Variants in SLC4A8 observed in about 807,000 individuals in gnomAD.
SLC4A8 encodes solute carrier family 4 member 8, also known as electroneutral sodium bicarbonate exchanger 1.
In SLC4A8, 40 loss-of-function variants were observed where a neutral mutation model predicts 125.0. The observed-to-expected ratio is 0.32, with a 90% CI of 0.25 to 0.42. The LOEUF is 0.42. Among genes scored for constraint, SLC4A8 ranks in the 10% least tolerant of loss-of-function variants. The pLI, the probability that SLC4A8 is intolerant of heterozygous loss-of-function variation, is 1.00. For missense variants in SLC4A8, 863 were observed against 1,355.1 expected (o/e 0.64, Z 5.70); for synonymous variants, 456 against 476.0 (o/e 0.96, Z 0.55).
chr12:51,459,949 A>C lies in SLC4A8; in HGVS notation c.856-2A>C. On this transcript the variant is annotated splice_acceptor_variant, in intron 7 of 24. Coordinates refer to ENST00000453097, the MANE Select transcript of SLC4A8 (RefSeq NM_001039960.3). LOFTEE classifies it high-confidence loss of function. ...TGTCAGATGTTTCTTTTGGACTTTC[A>C]GGTAGACCTTCATTTCATGAAAAAA... The C allele has an allele frequency of 6.2e-7, 1 of 1,610,524 alleles. No individual in the cohort carries two copies. Among genetic ancestry groups the C allele is most frequent in the Non-Finnish European group, 8.5e-7 (1 of 1,178,518 alleles).
intron 2 of SLC4A8, among the ~76,000 whole-genome samples, chr12:51,442,447 A>G (rs1165648223): frequency 6.6e-6 from 1 of 152,212 alleles, no homozygotes; most frequent in Non-Finnish European, 1.5e-5. Context: ...GTAGAATAAG[A>G]AACCTGAGCA....
rs761799352 is a variant in SLC4A8, at chr12:51,489,930, C to G, written c.2679C>G (p.Val893=). The change falls in exon 19 of 25, where the codon GTC becomes GTG. Residue 893 remains valine (V), a synonymous_variant. Coordinates refer to ENST00000453097, the MANE Select transcript of SLC4A8 (RefSeq NM_001039960.3). The part of the protein sequence containing the change: ...LMIFVLMGCS[V]FMTAILKFIP... ...TCTTTGTGCTGATGGGCTGCTCAGT[C>G]TTCATGACGGCTATCTTAAAGGTAA... 6.2e-7 allele frequency: 1 copy of G among 1,614,162 alleles called. No homozygotes were observed. The highest frequency in any genetic ancestry group is 1.1e-5 in the South Asian group (1 of 91,074).
At chr12:51,427,972 A>G (rs1481501770) in intron 1 of SLC4A8, among the ~76,000 whole-genome samples, 1 of 152,144 alleles carries the variant, frequency 6.6e-6, no homozygotes, top group Non-Finnish European at 1.5e-5. Flanking sequence ...ATCATGGCCT[A>G]CCAAGCCTGA....
chr12:51,395,081 G>A (rs894480408), intron 1 of SLC4A8, among the ~76,000 whole-genome samples: 2 of 151,812 alleles, frequency 1.3e-5, no homozygotes, highest in Admixed American at 6.6e-5. Context: ...AAAGTTATAC[G>A]TAAATGAAAT....
rs922538893 is a variant in SLC4A8 at position 51,509,881 on chromosome 12, T to C, written c.*2443T>C. On this transcript the variant is annotated 3_prime_UTR_variant, in exon 25 of 25. Transcript: ENST00000453097. Reference sequence around the variant, plus strand: ...TTGGGGTGAACTCCATGGGGAAGATTGTGAGTGAAGATGGGAAGGAATTTG... The same window carrying C: ...TTGGGGTGAACTCCATGGGGAAGATCGTGAGTGAAGATGGGAAGGAATTTG... 1 of 152,284 alleles carries C rather than the reference T, an allele frequency of 6.6e-6. No individual in the cohort carries two copies. The highest frequency in any genetic ancestry group is 1.5e-5 in the Non-Finnish European group (1 of 68,036). 9.4% of individuals were successfully genotyped at this position (152,284 alleles called of 1,614,324 possible). A position where few individuals can be genotyped will look rare whatever the true frequency, so the allele number is the denominator to read the frequency against.
At chr12:51,450,799 A>ACTATGCT in intron 2 of SLC4A8, 77 bp from the exon 3 acceptor site, 1 of 1,512,662 alleles carries the variant, frequency 6.6e-7, no homozygotes, top group Non-Finnish European at 9.1e-7. Flanking sequence ...TTTTCTCTTA[A>ACTATGCT]CTATGCTAGG....
At chr12:51,476,718 A>G (rs927788876) in intron 16 of SLC4A8, among the ~76,000 whole-genome samples, 24 of 152,132 alleles carry the variant, frequency 1.6e-4, no homozygotes, top group African/African-American at 5.3e-4. Flanking sequence ...AGTGGCCTTC[A>G]GAGAAACCTA....
At chr12:51,415,223 T>C (rs770074788) in intron 1 of SLC4A8, among the ~76,000 whole-genome samples, 3 of 152,166 alleles carry the variant, frequency 2.0e-5, no homozygotes, top group African/African-American at 4.8e-5. Context: ...TGCACCAACC[T>C]AATTTTGATA....
At chr12:51,507,194 A>G (rs1359264819) in intron 24 of SLC4A8, among the ~76,000 whole-genome samples, 1 of 152,226 alleles carries the variant, frequency 6.6e-6, no homozygotes, top group Non-Finnish European at 1.5e-5. Context: ...GTTAAAATGA[A>G]TCTCTGCTGA....
intron 18 of SLC4A8, among the ~76,000 whole-genome samples, chr12:51,489,362 C>T (rs1228689678): frequency 6.6e-6 from 1 of 152,084 alleles, no homozygotes; most frequent in Non-Finnish European, 1.5e-5. Context: ...ACCTCTAACT[C>T]CCATAGTTTC....
chr12:51,492,712 G>T (rs57960673), intron 19 of SLC4A8, among the ~76,000 whole-genome samples: 8,424 of 152,140 alleles, frequency 0.055, 708 homozygotes, highest in African/African-American at 0.18. Context: ...TGGGATACAT[G>T]TGCAAAACGT....
intron 2 of SLC4A8, among the ~76,000 whole-genome samples, chr12:51,449,735 A>G (rs1044881059): frequency 1.3e-5 from 2 of 152,170 alleles, no homozygotes; most frequent in African/African-American, 4.8e-5. Context: ...GATCAAAACA[A>G]AAGCAGGCTT....
intron 1 of SLC4A8, among the ~76,000 whole-genome samples, chr12:51,392,583 A>AAAAAAG (rs1565744326): frequency 1.3e-5 from 2 of 150,792 alleles, no homozygotes; most frequent in Non-Finnish European, 3.0e-5. Context: ...AAAAAAAAAA[A>AAAAAAG]AAAGAAAAAA....
chr12:51,392,590 A>G (rs1565744361), intron 1 of SLC4A8, among the ~76,000 whole-genome samples: 157 of 151,048 alleles, frequency 1.0e-3, no homozygotes, highest in African/African-American at 3.0e-3. Context: ...AAAAAAAGAA[A>G]AAAAGAAAAG....
At chr12:51,397,244 A>G (rs1948282525) in intron 1 of SLC4A8, among the ~76,000 whole-genome samples, 1 of 152,204 alleles carries the variant, frequency 6.6e-6, no homozygotes, top group South Asian at 2.1e-4. Flanking sequence ...TTAGTTAATT[A>G]TAATTTATTT....
intron 12 of SLC4A8, 59 bp downstream of exon 12, chr12:51,469,847 A>T: frequency 6.5e-7 from 1 of 1,531,316 alleles, no homozygotes; most frequent in Non-Finnish European, 9.0e-7. Flanking sequence ...TTGTGGCGGC[A>T]GCCAGGTCCA....
At chr12:51,453,457 C>T in intron 4 of SLC4A8, 82 bp from the exon 5 acceptor site, 1 of 1,381,398 alleles carries the variant, frequency 7.2e-7, no homozygotes. Flanking sequence ...AGATATCTTC[C>T]TCTGTGGCTC....
At chr12:51,455,233 A>T (rs1950103642) in intron 5 of SLC4A8, among the ~76,000 whole-genome samples, 2 of 151,116 alleles carry the variant, frequency 1.3e-5, no homozygotes, top group South Asian at 2.1e-4. Context: ...TAACAATCTG[A>T]TCTCTCTTGC....
intron 16 of SLC4A8, chr12:51,480,662 C>T (rs1362771343): frequency 1.3e-5 from 13 of 982,880 alleles, no homozygotes; most frequent in Non-Finnish European, 1.4e-5. Context: ...TGTAACTAAT[C>T]AGAAATCCAA....
Sources: gnomAD v4.1 joint callset for allele counts (sites outside exome capture counted in the v4.1 genomes callset) on GRCh38, gnomAD v4.1.1 for gene constraint, MANE v1.5 for transcripts, NCBI Gene and HGNC (gene_info 2026-07-23, HGNC 2026-07-21) for gene names.